Variants in HPSE2 observed in about 807,000 individuals in gnomAD.
HPSE2 encodes inactive heparanase-2.
In HPSE2, 38 loss-of-function variants were observed where a neutral mutation model predicts 60.5. That is an observed-to-expected ratio of 0.63 (90% CI 0.48 to 0.82). The LOEUF (loss-of-function observed/expected upper bound fraction) is 0.82. HPSE2 is among the 40% of genes least tolerant of loss of function. HPSE2 has a pLI of 0.00. For synonymous variants in HPSE2, 295 were observed against 293.2 expected (o/e 1.01, Z -0.06); for missense variants, 713 against 740.4 (o/e 0.96, Z 0.43).
chr10:98,902,667 T>C (rs995612459), intron 3 of HPSE2, among the ~76,000 whole-genome samples: 1 of 152,186 alleles, frequency 6.6e-6, no homozygotes, highest in Non-Finnish European at 1.5e-5. Context: ...TTGCATTTAG[T>C]GAACATATAC....
intron 5 of HPSE2, among the ~76,000 whole-genome samples, chr10:98,698,413 G>A (rs1948294756): frequency 6.6e-6 from 1 of 151,228 alleles, no homozygotes; most frequent in Non-Finnish European, 1.5e-5. Flanking sequence ...CGAAATGAAG[G>A]CAGAAATAAA....
chr10:98,577,224 T>A (rs1299690666), intron 9 of HPSE2, among the ~76,000 whole-genome samples: 1 of 152,030 alleles, frequency 6.6e-6, no homozygotes, highest in African/African-American at 2.4e-5. Context: ...ATTGTCTTTA[T>A]CAATATGATT....
In HPSE2 at chr10:98,532,634, CG is replaced by C. The variant is rs1943166121; in HGVS notation, c.1321-42439del. On this transcript the variant is annotated intron_variant, in intron 9 of 11. Coordinates refer to ENST00000370552, the MANE Select transcript of HPSE2 (RefSeq NM_021828.5). ...TTGGAAGTTGAAGTTACAGAGTTTT[CG>C]TCCAAGTGTGTCACTATTAATCTCC... is the stretch of plus-strand genomic sequence containing the variant. Among the ~76,000 whole-genome samples, 8 of 152,260 alleles carry C rather than the reference CG, an allele frequency of 5.3e-5. No homozygotes were observed. In the South Asian group the frequency reaches 1.5e-3, roughly 28 times the overall value.
At chr10:98,568,287 A>T (rs1190799492) in intron 9 of HPSE2, among the ~76,000 whole-genome samples, 2 of 152,236 alleles carry the variant, frequency 1.3e-5, no homozygotes, top group Admixed American at 1.3e-4. Flanking sequence ...GATCCCGAGC[A>T]AGTTACTTTA....
At chr10:98,595,191 A>T (rs1449213979) in intron 9 of HPSE2, among the ~76,000 whole-genome samples, 3 of 113,786 alleles carry the variant, frequency 2.6e-5, no homozygotes, top group African/African-American at 1.1e-4. Context: ...TTTTTTTGAG[A>T]CGGAGTCTCG....
At chr10:98,465,547 A>T (rs1482475138) in intron 11 of HPSE2, among the ~76,000 whole-genome samples, 2 of 152,216 alleles carry the variant, frequency 1.3e-5, no homozygotes, top group Non-Finnish European at 2.9e-5. Context: ...ACAAGGTTAG[A>T]CAGGTTAAGT....
At chr10:99,010,480 C>A (rs978157116) in intron 3 of HPSE2, among the ~76,000 whole-genome samples, 6 of 152,068 alleles carry the variant, frequency 3.9e-5, no homozygotes, top group Non-Finnish European at 7.4e-5. Flanking sequence ...CATAAATGGG[C>A]AGAAATTTTA....
chr10:99,130,886 T>C (rs1845358016), intron 3 of HPSE2, among the ~76,000 whole-genome samples: 1 of 152,064 alleles, frequency 6.6e-6, no homozygotes, highest in Admixed American at 6.6e-5. Context: ...AGTTAAGTCC[T>C]TGAGGAAGGG....
At position 99,063,334 on chromosome 10, in the gene HPSE2, G is replaced by GA. The variant is rs59112848; in HGVS notation, c.610+80903dup. 3.9e-3 allele frequency among the ~76,000 whole-genome samples: 569 copies of GA among 146,256 alleles called. 5 individuals are homozygous for GA. The highest frequency in any genetic ancestry group is 0.012 in the African/African-American group (488 of 39,938). ...GAAAAATACAAACAACACACACACA[G>GA]AAAAAAAAAACAGCAAGGATATACA... On this transcript the variant is annotated intron_variant, in intron 3 of 11. Coordinates refer to ENST00000370552, the MANE Select transcript of HPSE2 (RefSeq NM_021828.5).
At chr10:98,861,635 T>A (rs1478727534) in intron 3 of HPSE2, among the ~76,000 whole-genome samples, 2 of 152,188 alleles carry the variant, frequency 1.3e-5, no homozygotes, top group Non-Finnish European at 2.9e-5. Context: ...CTTGGCAGCA[T>A]TCAATACTTG....
chr10:98,850,426 T>C (rs891861465), intron 3 of HPSE2, among the ~76,000 whole-genome samples: 6 of 152,054 alleles, frequency 3.9e-5, no homozygotes, highest in Non-Finnish European at 8.8e-5. Flanking sequence ...GAGATCCAGG[T>C]ATTATAGTGA....
chr10:98,661,749 TG>T (rs1210922976), intron 6 of HPSE2, among the ~76,000 whole-genome samples: 3 of 152,230 alleles, frequency 2.0e-5, no homozygotes, highest in Non-Finnish European at 2.9e-5. Flanking sequence ...TTTAATTTGT[TG>T]CTATTACAGA....
intron 9 of HPSE2, among the ~76,000 whole-genome samples, chr10:98,577,665 T>C (rs1944679510): frequency 6.6e-6 from 1 of 152,180 alleles, no homozygotes; most frequent in African/African-American, 2.4e-5. Context: ...TCAGGTTAGT[T>C]TGGTGGTACT....
chr10:98,681,273 C>T (rs575464938), intron 6 of HPSE2, among the ~76,000 whole-genome samples: 57 of 151,798 alleles, frequency 3.8e-4, no homozygotes, highest in Middle Eastern at 6.8e-3. Context: ...TATCTGCCAC[C>T]GTGAACTTGT....
chr10:98,799,937 G>A (rs1378544627), intron 3 of HPSE2, among the ~76,000 whole-genome samples: 12 of 152,124 alleles, frequency 7.9e-5, no homozygotes, highest in African/African-American at 4.8e-5. Context: ...AAAGATCAGA[G>A]CAGAAATAAA....
rs35666118 is a variant in HPSE2 at position 98,836,527 on chromosome 10, T to TA, written c.611-92472dup. 1.8e-3 allele frequency among the ~76,000 whole-genome samples: 275 copies of TA among 152,068 alleles called. 1 individual carries two copies. Among genetic ancestry groups the TA allele is most frequent in the African/African-American group, 5.6e-3 (233 of 41,496 alleles). Reference sequence around the variant, plus strand: ...TAACAAGCTTTAAAGTAACTTCTGATAAAAAAAATTGTTACAAGGTTTATG... The same window carrying TA: ...TAACAAGCTTTAAAGTAACTTCTGATAAAAAAAAATTGTTACAAGGTTTATG... On this transcript the variant is annotated intron_variant, in intron 3 of 11. Coordinates refer to ENST00000370552, the MANE Select transcript of HPSE2 (RefSeq NM_021828.5).
intron 3 of HPSE2, among the ~76,000 whole-genome samples, chr10:99,095,726 TTTC>T (rs1368157920): frequency 3.9e-5 from 6 of 152,352 alleles, no homozygotes; most frequent in Admixed American, 3.3e-4. Context: ...CAATATTTCA[TTTC>T]TTCTTATTGC....
intron 2 of HPSE2, among the ~76,000 whole-genome samples, chr10:99,166,715 T>C (rs1847093563): frequency 6.6e-6 from 1 of 152,196 alleles, no homozygotes; most frequent in Non-Finnish European, 1.5e-5. Context: ...TTTCTAATTT[T>C]TTAAATTTTA....
chr10:99,304,119 A>C, the HPSE2 span, among the ~76,000 whole-genome samples: 1 of 152,208 alleles, frequency 6.6e-6, no homozygotes, highest in Non-Finnish European at 1.5e-5. Context: ...ATCTAATCTG[A>C]TGCAGGACTC....
Sources: gnomAD v4.1 joint callset for allele counts (sites outside exome capture counted in the v4.1 genomes callset) on GRCh38, gnomAD v4.1.1 for gene constraint, MANE v1.5 for transcripts, NCBI Gene and HGNC (gene_info 2026-07-23, HGNC 2026-07-21) for gene names.